The following ANO6 variants were observed in gnomAD, a reference collection of about 807,000 sequenced individuals.
ANO6 encodes anoctamin 6.
In ANO6, 106 loss-of-function variants were observed where a neutral mutation model predicts 117.5. The ratio of observed to expected loss-of-function variants is 0.90; its 90% CI spans 0.77 to 1.06. The LOEUF is 1.06. Among genes scored for constraint, ANO6 ranks in the 50% least tolerant of loss-of-function variants. The pLI, the probability that ANO6 is intolerant of heterozygous loss-of-function variation, is 0.00. For missense variants in ANO6, 955 were observed against 1,121.1 expected, an observed-to-expected ratio of 0.85 and a Z score of 2.12; for synonymous variants, 367 against 385.1, an observed-to-expected ratio of 0.95 and a Z score of 0.55.
At chr12:45,367,526 T>C (rs1339735722) in intron 8 of ANO6, among the ~76,000 whole-genome samples, 162 bp from the exon 9 acceptor site, 1 of 152,232 alleles carries the variant, frequency 6.6e-6, no homozygotes, top group African/African-American at 2.4e-5. Flanking sequence ...TTAGTATGAT[T>C]TTTAATGAAT....
chr12:45,437,520 T>C (rs1943720683), intron 19 of ANO6, among the ~76,000 whole-genome samples: 1 of 152,212 alleles, frequency 6.6e-6, no homozygotes, highest in South Asian at 2.1e-4. Context: ...AATACAGTAT[T>C]TACTATATTC....
At chr12:45,298,382 C>T (rs985749459) in intron 1 of ANO6, among the ~76,000 whole-genome samples, 25 of 152,142 alleles carry the variant, frequency 1.6e-4, no homozygotes, top group Non-Finnish European at 3.2e-4. Context: ...CTTGATTCTG[C>T]TCATTTTAAT....
At chr12:45,241,674 C>T (rs575498522) in intron 1 of ANO6, among the ~76,000 whole-genome samples, 1 of 152,324 alleles carries the variant, frequency 6.6e-6, no homozygotes, top group South Asian at 2.1e-4. Flanking sequence ...CTGGTTTCTT[C>T]CCATCTTTGT....
At chr12:45,410,109 C>T (rs1943048194) in intron 16 of ANO6, among the ~76,000 whole-genome samples, 2 of 151,906 alleles carry the variant, frequency 1.3e-5, no homozygotes, top group South Asian at 4.1e-4. Flanking sequence ...AGAATGAACT[C>T]AGCAACTGTA....
At chr12:45,297,133 C>A (rs1261666200) in intron 1 of ANO6, among the ~76,000 whole-genome samples, 1 of 152,146 alleles carries the variant, frequency 6.6e-6, no homozygotes, top group Admixed American at 6.6e-5. Flanking sequence ...TCAGTCTATA[C>A]CCAGTGCCCT....
At chr12:45,408,626 A>AGCTG (rs1943006735) in intron 15 of ANO6, among the ~76,000 whole-genome samples, 1 of 152,192 alleles carries the variant, frequency 6.6e-6, no homozygotes, top group African/African-American at 2.4e-5. Context: ...ATTCAGCTTA[A>AGCTG]AATAGGAATT....
chr12:45,285,883 ACTC>A (rs1938898984), intron 1 of ANO6, among the ~76,000 whole-genome samples: 1 of 151,986 alleles, frequency 6.6e-6, no homozygotes, highest in South Asian at 2.1e-4. Context: ...TCTTTCTGAG[ACTC>A]CTCCTCCCCA....
downstream of ANO6, among the ~76,000 whole-genome samples, chr12:45,433,792 C>G (rs1245625384): frequency 1.3e-5 from 2 of 152,196 alleles, no homozygotes; most frequent in Non-Finnish European, 2.9e-5. Flanking sequence ...TGACCCCACC[C>G]AGAGCCTTCG....
chr12:45,416,236 T>A (rs554293819), intron 16 of ANO6, among the ~76,000 whole-genome samples: 1 of 152,358 alleles, frequency 6.6e-6, no homozygotes, highest in East Asian at 1.9e-4. Context: ...CTCAGCATAT[T>A]TCTTCTAACG....
chr12:45,358,260 C>A (rs1448658493), intron 8 of ANO6, among the ~76,000 whole-genome samples: 1 of 152,330 alleles, frequency 6.6e-6, no homozygotes, highest in East Asian at 1.9e-4. Flanking sequence ...GCTTACATGG[C>A]AGCCCTGATG....
Position 45,348,187 on chromosome 12 carries a change from A to G in ANO6, c.505A>G (p.Ser169Gly), listed in dbSNP as rs1278120033. The part of the protein sequence containing the change: ...GTLNWFTKVL[S>G]VDESIIKPEQ... ...ACTCAACTGGTTTACCAAAGTCCTC[A>G]GTGTAGACGAAAGCATCATCAAGCC... Residue 169 changes from serine to glycine, a missense_variant, in exon 5 of 20, where the codon AGT becomes GGT. Transcript: ENST00000320560. 33 of 1,614,004 alleles carry G rather than the reference A, an allele frequency of 2.0e-5. No individual in the cohort carries two copies. The highest frequency in any genetic ancestry group is 4.0e-5 in the African/African-American group (3 of 74,918).
intron 2 of ANO6, among the ~76,000 whole-genome samples, chr12:45,316,468 TAGG>T (rs1940030378): frequency 6.6e-6 from 1 of 152,142 alleles, no homozygotes; most frequent in South Asian, 2.1e-4. Flanking sequence ...TGTGCAAAGA[TAGG>T]AGGGAAATAC....
rs185945121 is a variant in ANO6 at position 45,318,589 on chromosome 12, A to T, written c.151-12706A>T. Among the ~76,000 whole-genome samples, 1,114 of 152,232 alleles carry T rather than the reference A, an allele frequency of 7.3e-3. 8 individuals carry two copies. The highest frequency in any genetic ancestry group is 9.0e-3 in the Non-Finnish European group (612 of 68,012). On this transcript the variant is annotated intron_variant, in intron 2 of 19. Transcript: ENST00000320560. ...TCCAGCTTTGTTCTTTTGGCTTAGG[A>T]TTGACTTGGCAATGCGGGCTTTTTT... is the stretch of plus-strand genomic sequence containing the variant.
At position 45,429,765 on chromosome 12, in the gene ANO6, AT is replaced by A; in HGVS notation, c.*457del. The A allele has an allele frequency of 1.0e-6, 1 of 966,330 alleles. No individual in the cohort carries two copies. Among genetic ancestry groups the A allele is most frequent in the Non-Finnish European group, 1.2e-6 (1 of 833,766 alleles). The allele number at this position is 966,330 out of a possible 1,614,324, so 59.9% of individuals were successfully genotyped here. On this transcript the variant is annotated 3_prime_UTR_variant, in exon 20 of 20. Transcript: ENST00000320560. ...TTACAGTACCATCATTATAGATTTA[AT>A]TTAATAGCTTTCATGTGATTAAAAA...
At chr12:45,401,621 T>A (rs1343778635) in intron 12 of ANO6, among the ~76,000 whole-genome samples, 174 bp from the exon 13 acceptor site, 1 of 152,202 alleles carries the variant, frequency 6.6e-6, no homozygotes, top group African/African-American at 2.4e-5. Context: ...ACTTCCATCA[T>A]TCCTTTTTCT....
intron 1 of ANO6, among the ~76,000 whole-genome samples, chr12:45,254,958 C>G (rs1937758425): frequency 6.6e-6 from 1 of 152,114 alleles, no homozygotes; most frequent in Admixed American, 6.5e-5. Context: ...AAAATTTTAA[C>G]TCATATATTT....
intron 12 of ANO6, among the ~76,000 whole-genome samples, chr12:45,391,016 G>A (rs1459682250): frequency 6.6e-6 from 1 of 152,088 alleles, no homozygotes; most frequent in Non-Finnish European, 1.5e-5. Context: ...AGCTACTCGG[G>A]AGGCTGAGGC....
intron 1 of ANO6, among the ~76,000 whole-genome samples, chr12:45,249,588 CTT>C (rs1441379420): frequency 2.0e-5 from 3 of 152,076 alleles, no homozygotes; most frequent in East Asian, 1.9e-4. Flanking sequence ...TGAGGGATCT[CTT>C]ATGTTCAGGA....
intron 1 of ANO6, among the ~76,000 whole-genome samples, chr12:45,245,549 A>AT (rs1039433256): frequency 2.9e-3 from 431 of 149,800 alleles, no homozygotes; most frequent in African/African-American, 9.4e-3. Context: ...TTTTACAGGC[A>AT]TTTTTTTTTC....
Sources: allele counts gnomAD v4.1 joint callset (sites outside exome capture counted in the v4.1 genomes callset), GRCh38; gene constraint gnomAD v4.1.1; transcripts MANE v1.5; gene names NCBI Gene and HGNC (gene_info 2026-07-23, HGNC 2026-07-21).